The following XRRA1 variants were observed in gnomAD, a reference collection of about 807,000 sequenced individuals.
XRRA1 encodes the protein X-ray radiation resistance-associated protein 1.
Under a neutral mutation model 80.2 loss-of-function variants are expected in XRRA1, and 69 were observed. The observed-to-expected ratio is 0.86, with a 90% CI of 0.71 to 1.05. The LOEUF is 1.05. XRRA1 is among the 50% of genes least tolerant of loss of function. The pLI, the probability that XRRA1 is intolerant of heterozygous loss-of-function variation, is 0.00. For missense variants in XRRA1, 967 were observed against 976.4 expected (o/e 0.99, Z 0.13); for synonymous variants, 348 against 389.9 (o/e 0.89, Z 1.27).
Position 74,929,198 on chromosome 11 carries a change from A to G in XRRA1, c.424+1102T>C, listed in dbSNP as rs1334957830. The stretch of plus-strand genomic sequence containing the variant: ...CTTTTCTCTAATGTGCCCTATCTCA[A>G]TGAAATGCCCCTTGATTCCTCCCTC... On this transcript the variant is annotated intron_variant, in intron 6 of 18. Transcript: ENST00000684022. Among the ~76,000 whole-genome samples, 3 of 152,122 alleles carry G rather than the reference A, an allele frequency of 2.0e-5. No individual in the cohort carries two copies. The East Asian group carries it at 5.8e-4, about 29-fold the overall frequency.
rs1411956410 is a variant in XRRA1 at position 74,869,610 on chromosome 11, C to G, written c.1004-6589G>C. On this transcript the variant is annotated intron_variant, in intron 10 of 18. Coordinates refer to ENST00000684022, the MANE Select transcript of XRRA1 (RefSeq NM_001378157.1). ...AAAGGGATGGGCAACATGGTGCAGG[C>G]CAGGCAGAGGACCTGCCTGCATATT... Among the ~76,000 whole-genome samples, 2 of 152,228 alleles carry G rather than the reference C, an allele frequency of 1.3e-5. 1 individual carries two copies. The highest frequency in any genetic ancestry group is 1.3e-4 in the Admixed American group (2 of 15,302).
intron 10 of XRRA1, among the ~76,000 whole-genome samples, chr11:74,865,219 G>C (rs545532440): frequency 6.6e-6 from 1 of 152,230 alleles, no homozygotes; most frequent in African/African-American, 2.4e-5. Flanking sequence ...GGACTTGCTA[G>C]GAGACACATG....
chr11:74,875,199 C>CA (rs1174602060), intron 10 of XRRA1, among the ~76,000 whole-genome samples: 1 of 152,132 alleles, frequency 6.6e-6, no homozygotes, highest in Non-Finnish European at 1.5e-5. Context: ...TGTAGGACAT[C>CA]AGAAGGGAGC....
Position 74,841,276 on chromosome 11 carries a change from A to C in XRRA1, c.*1924T>G, listed in dbSNP as rs2036498710. 6.6e-6 allele frequency: 1 copy of C among 152,208 alleles called. No homozygotes were observed. The highest frequency in any genetic ancestry group is 2.1e-4 in the South Asian group (1 of 4,832). The allele number at this position is 152,208 out of a possible 1,614,324, so 9.4% of individuals were successfully genotyped here. A position where few individuals can be genotyped will look rare whatever the true frequency, so the allele number is the denominator to read the frequency against. On this transcript the variant is annotated 3_prime_UTR_variant, in exon 19 of 19. Coordinates refer to ENST00000684022, the MANE Select transcript of XRRA1 (RefSeq NM_001378157.1). Reference sequence around the variant, plus strand: ...TAAACATACCTGGTTATGAATTCTCAAAAGAGAAAGCAGGTCTGGGGCGGG... The same window carrying C: ...TAAACATACCTGGTTATGAATTCTCCAAAGAGAAAGCAGGTCTGGGGCGGG...
chr11:74,849,039 C>T (rs918778730), intron 14 of XRRA1, among the ~76,000 whole-genome samples: 5 of 152,134 alleles, frequency 3.3e-5, no homozygotes, highest in Non-Finnish European at 7.4e-5. Context: ...AAAATAATTC[C>T]CTTAATTAGT....
intron 10 of XRRA1, among the ~76,000 whole-genome samples, chr11:74,871,653 G>C (rs1001554971): frequency 1.3e-5 from 2 of 151,860 alleles, no homozygotes; most frequent in Non-Finnish European, 2.9e-5. Context: ...CTCCAACTGT[G>C]CCATCAGCTC....
chr11:74,871,455 C>T (rs542472400), intron 10 of XRRA1, among the ~76,000 whole-genome samples: 4 of 152,354 alleles, frequency 2.6e-5, no homozygotes, highest in Non-Finnish European at 1.5e-5. Flanking sequence ...CTCCTTTAAT[C>T]CTGAAACTGC....
intron 5 of XRRA1, among the ~76,000 whole-genome samples, chr11:74,931,267 T>A (rs1943498737): frequency 6.6e-6 from 1 of 152,178 alleles, no homozygotes; most frequent in Non-Finnish European, 1.5e-5. Flanking sequence ...GAGAATTACC[T>A]GTGTCGATAT....
intron 10 of XRRA1, among the ~76,000 whole-genome samples, chr11:74,866,839 AGGATCTAT>A (rs1685354213): frequency 6.6e-6 from 1 of 152,204 alleles, no homozygotes; most frequent in Non-Finnish European, 1.5e-5. Flanking sequence ...AAAAGCTTGC[AGGATCTAT>A]GGGACAACAT....
rs184493354 is a variant in XRRA1, at chr11:74,855,883, C to T, written c.1170+3275G>A. On this transcript the variant is annotated intron_variant, in intron 12 of 18. Coordinates refer to ENST00000684022, the MANE Select transcript of XRRA1 (RefSeq NM_001378157.1). ...GGTGTGGTGGCTCACGCCTGTAATC[C>T]TAGCACTTTGGGAAGCTGAGGCAGG... 2.7e-3 allele frequency among the ~76,000 whole-genome samples: 416 copies of T among 152,274 alleles called. 2 individuals carry two copies. The highest frequency in any genetic ancestry group is 9.6e-3 in the African/African-American group (398 of 41,556).
At chr11:74,904,642 T>C (rs1268655534) in intron 10 of XRRA1, among the ~76,000 whole-genome samples, 1 of 151,872 alleles carries the variant, frequency 6.6e-6, no homozygotes, top group African/African-American at 2.4e-5. Flanking sequence ...GTGAAATGTA[T>C]CAATAATCAC....
In XRRA1 at chr11:74,868,919, CAAT is replaced by C. The variant is rs202049950; in HGVS notation, c.1004-5901_1004-5899del. 1.8e-3 allele frequency among the ~76,000 whole-genome samples: 268 copies of C among 152,022 alleles called. 5 individuals carry two copies. In the East Asian group the frequency reaches 0.046, roughly 26 times the overall value. On this transcript the variant is annotated intron_variant, in intron 10 of 18. Coordinates refer to ENST00000684022, the MANE Select transcript of XRRA1 (RefSeq NM_001378157.1). ...ATAATTGTGCAGGACATGAATACCC[CAAT>C]AATAATATTAGATCATTGAGGCAGA...
At chr11:74,844,971 G>C in intron 16 of XRRA1, 102 bp downstream of exon 16, 1 of 1,204,000 alleles carries the variant, frequency 8.3e-7, no homozygotes, top group Non-Finnish European at 1.2e-6. Flanking sequence ...CAGCACCCTA[G>C]TTGGGAAAAG....
intron 3 of XRRA1, among the ~76,000 whole-genome samples, chr11:74,939,541 C>A (rs569971288): frequency 4.6e-5 from 7 of 152,220 alleles, no homozygotes; most frequent in African/African-American, 1.7e-4. Context: ...TTCAACATGC[C>A]CTCATTATTT....
chr11:74,900,057 TGGCAGGCTGA>T (rs1347694831), intron 10 of XRRA1, among the ~76,000 whole-genome samples: 5 of 151,780 alleles, frequency 3.3e-5, no homozygotes, highest in Admixed American at 3.3e-4. Flanking sequence ...CCCAGCTATT[TGGCAGGCTGA>T]GGCAGGAGAA....
intron 10 of XRRA1, among the ~76,000 whole-genome samples, chr11:74,905,218 T>A (rs771843292): frequency 5.9e-5 from 9 of 152,100 alleles, no homozygotes; most frequent in Non-Finnish European, 1.2e-4. Flanking sequence ...TTTAATTTTT[T>A]ATAGAGATAG....
At chr11:74,853,053 C>T (rs984736274) in intron 12 of XRRA1, among the ~76,000 whole-genome samples, 3 of 152,200 alleles carry the variant, frequency 2.0e-5, no homozygotes, top group African/African-American at 7.2e-5. Context: ...GAATACCTAC[C>T]ATGTCCCAGG....
At chr11:74,845,611 G>A (rs2037882924) in intron 15 of XRRA1, among the ~76,000 whole-genome samples, 1 of 152,196 alleles carries the variant, frequency 6.6e-6, no homozygotes, top group South Asian at 2.1e-4. Flanking sequence ...GAGAAAGAAT[G>A]ATTGTTTCAG....
At chr11:74,902,471 T>C (rs2053745951) in intron 10 of XRRA1, among the ~76,000 whole-genome samples, 1 of 152,226 alleles carries the variant, frequency 6.6e-6, no homozygotes, top group African/African-American at 2.4e-5. Flanking sequence ...CACTCTTATG[T>C]TTGTTGCAGC....
Sources: gnomAD v4.1 joint callset for allele counts (sites outside exome capture counted in the v4.1 genomes callset) on GRCh38, gnomAD v4.1.1 for gene constraint, MANE v1.5 for transcripts, NCBI Gene and HGNC (gene_info 2026-07-23, HGNC 2026-07-21) for gene names.